CENPT: variants seen among roughly 807,000 people sequenced by gnomAD.
CENPT encodes centromere protein T.
A neutral mutation model predicts 59.7 loss-of-function variants in CENPT; 42 were observed. The ratio of observed to expected loss-of-function variants is 0.70; its 90% CI spans 0.55 to 0.91. CENPT has a LOEUF of 0.91. CENPT is among the 40% of genes least tolerant of loss of function. The pLI, the probability that CENPT is intolerant of heterozygous loss-of-function variation, is 0.00. For missense variants in CENPT, 716 were observed against 713.4 expected (o/e 1.00, Z -0.04); for synonymous variants, 295 against 289.6 (o/e 1.02, Z -0.19).
chr16:67,830,516 G>C lies in CENPT; in HGVS notation c.736C>G (p.Gln246Glu). Residue 246 changes from glutamine (Q) to glutamate (E), a missense_variant, in exon 11 of 16, where the codon CAG becomes GAG. Gln to Glu is a conservative substitution (Grantham distance 29). Transcript: ENST00000562787. ...ACGTTGGGGGAGCCAACCATGGGCT[G>C]AGAGAACGGCTGGGTGTCCTCCAAC... ...IVLEDTQPFSQPMVGSPNVYH... is the reference protein window; with the variant it reads ...IVLEDTQPFSEPMVGSPNVYH... 6.2e-7 allele frequency: 1 copy of C among 1,614,166 alleles called. No individual in the cohort carries two copies. Among genetic ancestry groups the C allele is most frequent in the Non-Finnish European group, 8.5e-7 (1 of 1,180,036 alleles).
At chr16:67,839,635 G>A (rs2057750506) in intron 1 of CENPT, among the ~76,000 whole-genome samples, 1 of 152,108 alleles carries the variant, frequency 6.6e-6, no homozygotes, top group South Asian at 2.1e-4. Flanking sequence ...CACTTTGGGA[G>A]GCCGAGGTGG....
chr16:67,844,995 G>T (rs1315306006), intron 1 of CENPT, among the ~76,000 whole-genome samples: 3 of 151,988 alleles, frequency 2.0e-5, no homozygotes, highest in Admixed American at 6.6e-5. Flanking sequence ...CACCATGTTG[G>T]CCAGGCTGGT....
chr16:67,834,546 G>T (rs971848136), intron 3 of CENPT, among the ~76,000 whole-genome samples: 1 of 152,186 alleles, frequency 6.6e-6, no homozygotes, highest in African/African-American at 2.4e-5. Context: ...TTGAGCCCAG[G>T]AGTTCAAGAC....
chr16:67,836,064 G>GT (rs1025856647), intron 1 of CENPT, among the ~76,000 whole-genome samples: 1 of 146,564 alleles, frequency 6.8e-6, no homozygotes, highest in African/African-American at 2.5e-5. Flanking sequence ...TTTTGTTTTT[G>GT]TTTTTTGTTT....
At chr16:67,841,688 C>A (rs1340476884) in intron 1 of CENPT, 1 of 152,282 alleles carries the variant, frequency 6.6e-6, no homozygotes, top group African/African-American at 2.4e-5. Flanking sequence ...CCCGCAAACT[C>A]CCGGCACCGT....
Position 67,843,407 on chromosome 16 carries a change from C to A in CENPT, c.-492+3994G>T. On this transcript the variant is annotated intron_variant, in intron 1 of 15. Transcript: ENST00000562787. The surrounding 1 kb of genome is among the most constrained non-coding windows in gnomAD (Gnocchi z 5.7). ...AGAGATGAAAGGCAGCATTCGCCACCTGCGTCTCACTGAGGCCAAGCTGCG... is the reference window on the plus strand; with the variant it reads ...AGAGATGAAAGGCAGCATTCGCCACATGCGTCTCACTGAGGCCAAGCTGCG... 1 of 1,614,102 alleles carries A rather than the reference C, an allele frequency of 6.2e-7. No individual in the cohort carries two copies. The highest frequency in any genetic ancestry group is 8.5e-7 in the Non-Finnish European group (1 of 1,180,046).
At position 67,842,072 on chromosome 16, in the gene CENPT, C is replaced by A. The variant is rs1333366348; in HGVS notation, c.-492+5329G>T. On this transcript the variant is annotated intron_variant, in intron 1 of 15. Transcript: ENST00000562787. This position sits in a 1 kb window ranked among gnomAD's most constrained non-coding sequence, Gnocchi z 4.9. ...CCGGTGAGGCGCGCACCGCCCCGCT[C>A]CACGCCCCTATCAGGATTCGGGTCC... is the stretch of plus-strand genomic sequence containing the variant. The A allele has an allele frequency of 3.3e-5, 5 of 152,454 alleles. No individual in the cohort carries two copies. The highest frequency in any genetic ancestry group is 9.6e-5 in the African/African-American group (4 of 41,474). The allele number at this position is 152,454 out of a possible 1,614,324, so 9.4% of individuals were successfully genotyped here. A position where few individuals can be genotyped will look rare whatever the true frequency, so the allele number is the denominator to read the frequency against.
At chr16:67,834,545 G>A (rs961442140) in intron 3 of CENPT, among the ~76,000 whole-genome samples, 1 of 152,146 alleles carries the variant, frequency 6.6e-6, no homozygotes, top group African/African-American at 2.4e-5. Context: ...CTTGAGCCCA[G>A]GAGTTCAAGA....
rs780044706 is a variant in CENPT at position 67,828,850 on chromosome 16, G to A, written c.1281-7C>T. The A allele has an allele frequency of 8.3e-6, 13 of 1,575,242 alleles. No homozygotes were observed. In the South Asian group the frequency reaches 1.3e-4, roughly 16 times the overall value. Reference sequence around the variant, plus strand: ...TGCAGGCTCTGAAGATAAGCTGAGGGCAACAGTGGACAGAGGGGGCTGAAC... The same window carrying A: ...TGCAGGCTCTGAAGATAAGCTGAGGACAACAGTGGACAGAGGGGGCTGAAC... On this transcript the variant is annotated splice_region_variant and splice_polypyrimidine_tract_variant and intron_variant, in intron 13 of 15. Coordinates refer to ENST00000562787, the MANE Select transcript of CENPT (RefSeq NM_025082.4).
In CENPT at chr16:67,843,389, A is replaced by T; in HGVS notation, c.-492+4012T>A. 1 of 1,614,038 alleles carries T rather than the reference A, an allele frequency of 6.2e-7. No individual in the cohort carries two copies. Among genetic ancestry groups the T allele is most frequent in the Non-Finnish European group, 8.5e-7 (1 of 1,180,038 alleles). ...GATGGAAGTGAAGATGAAAGAGATG[A>T]AAGGCAGCATTCGCCACCTGCGTCT... On this transcript the variant is annotated intron_variant, in intron 1 of 15. Transcript: ENST00000562787. The surrounding 1 kb of genome is among the most constrained non-coding windows in gnomAD (Gnocchi z 5.7).
rs753009052 is a variant in CENPT at position 67,842,861 on chromosome 16, A to G, written c.-492+4540T>C. Reference sequence around the variant, plus strand: ...CGCTGGGGCCGCGGCCGCCCGCCGCAGGCAGCAGCAGCAACAGCAGCAGCA... The same window carrying G: ...CGCTGGGGCCGCGGCCGCCCGCCGCGGGCAGCAGCAGCAACAGCAGCAGCA... On this transcript the variant is annotated intron_variant, in intron 1 of 15. Coordinates refer to ENST00000562787, the MANE Select transcript of CENPT (RefSeq NM_025082.4). The surrounding 1 kb of genome is among the most constrained non-coding windows in gnomAD (Gnocchi z 4.9). The G allele has an allele frequency of 1.9e-6, 3 of 1,607,912 alleles. No homozygotes were observed. Among genetic ancestry groups the G allele is most frequent in the Non-Finnish European group, 2.5e-6 (3 of 1,177,518 alleles).
chr16:67,829,391 G>T (rs368138947), intron 13 of CENPT, 32 bp downstream of exon 13: 1 of 1,529,712 alleles, frequency 6.5e-7, no homozygotes, highest in Non-Finnish European at 8.9e-7. Context: ...CTTCCCAAGA[G>T]GCCCATGAGG....
intron 1 of CENPT, among the ~76,000 whole-genome samples, chr16:67,840,621 G>T (rs1002994345): frequency 4.0e-4 from 61 of 152,082 alleles, no homozygotes; most frequent in Non-Finnish European, 1.6e-4. Flanking sequence ...GAACAGAAAA[G>T]ATAACTATTG....
chr16:67,830,575 G>A (rs2057677429), intron 10 of CENPT, 27 bp from the exon 11 acceptor site: 2 of 1,610,476 alleles, frequency 1.2e-6, no homozygotes, highest in Non-Finnish European at 1.7e-6. Flanking sequence ...AACAGGTTCT[G>A]AGGCTGTCAC....
intron 1 of CENPT, among the ~76,000 whole-genome samples, chr16:67,840,554 CAAAG>C (rs1430981668): frequency 1.2e-4 from 14 of 118,024 alleles, no homozygotes; most frequent in Non-Finnish European, 2.2e-4. Context: ...CTCATGAACA[CAAAG>C]AAGACAACAA....
intron 1 of CENPT, among the ~76,000 whole-genome samples, chr16:67,838,656 G>C (rs1406184213): frequency 2.0e-5 from 3 of 151,700 alleles, no homozygotes; most frequent in Admixed American, 2.0e-4. Context: ...GGCCAGGCGC[G>C]GTGGCTCACA....
intron 1 of CENPT, among the ~76,000 whole-genome samples, chr16:67,837,021 G>A (rs555461052): frequency 1.3e-3 from 199 of 152,116 alleles, no homozygotes; most frequent in Non-Finnish European, 2.3e-3. Context: ...GATTACAGGC[G>A]TGAGCCACTA....
chr16:67,843,142 T>C lies in CENPT; in HGVS notation c.-492+4259A>G, dbSNP rs2057776831. ...TCGATCTCACAGTGCAAGTGGAGTT[T>C]GCAGCCGCAGAGGGCGCAGCCGCTG... On this transcript the variant is annotated intron_variant, in intron 1 of 15. Coordinates refer to ENST00000562787, the MANE Select transcript of CENPT (RefSeq NM_025082.4). The surrounding 1 kb of genome is among the most constrained non-coding windows in gnomAD (Gnocchi z 5.7). 2 of 1,609,724 alleles carry C rather than the reference T, an allele frequency of 1.2e-6. No individual in the cohort carries two copies. Among genetic ancestry groups the C allele is most frequent in the Non-Finnish European group, 1.7e-6 (2 of 1,179,490 alleles).
intron 1 of CENPT, among the ~76,000 whole-genome samples, chr16:67,846,464 GGCC>G: frequency 6.6e-6 from 1 of 152,252 alleles, no homozygotes; most frequent in Non-Finnish European, 1.5e-5. Context: ...GGCTGGTTAA[GGCC>G]ACACAGCTCG....
Sources: allele counts gnomAD v4.1 joint callset (sites outside exome capture counted in the v4.1 genomes callset), GRCh38; gene constraint gnomAD v4.1.1; non-coding constraint Gnocchi (gnomAD v3.1); transcripts MANE v1.5; gene names NCBI Gene and HGNC (gene_info 2026-07-23, HGNC 2026-07-21).